Variants in COL27A1 observed in about 807,000 individuals in gnomAD.
COL27A1 encodes collagen type XXVII alpha 1 chain, also known as collagen alpha-1(XXVII) chain.
A neutral mutation model predicts 251.3 loss-of-function variants in COL27A1; 106 were observed. The ratio of observed to expected loss-of-function variants is 0.42; its 90% CI spans 0.36 to 0.50. The LOEUF is 0.50. Among genes scored for constraint, COL27A1 ranks in the 20% least tolerant of loss-of-function variants. The pLI is 0.00. For missense variants in COL27A1, 2,325 were observed against 2,522.8 expected, an observed-to-expected ratio of 0.92 and a Z score of 1.68; for synonymous variants, 1,000 against 986.3, an observed-to-expected ratio of 1.01 and a Z score of -0.26.
chr9:114,216,071 G>C (rs1830691261), intron 12 of COL27A1, among the ~76,000 whole-genome samples: 1 of 152,242 alleles, frequency 6.6e-6, no homozygotes, highest in African/African-American at 2.4e-5. Flanking sequence ...TCCTGCTTTG[G>C]ATGTGGTGGC....
At chr9:114,250,913 T>G (rs1220783588) in intron 25 of COL27A1, among the ~76,000 whole-genome samples, 1 of 152,124 alleles carries the variant, frequency 6.6e-6, no homozygotes, top group Non-Finnish European at 1.5e-5. Context: ...AGCAGATGCA[T>G]GTGACCTGGG....
Position 114,232,564 on chromosome 9 carries a change from G to C in COL27A1, c.2565+698G>C, listed in dbSNP as rs565250252. On this transcript the variant is annotated intron_variant, in intron 16 of 60. Coordinates refer to ENST00000356083, the MANE Select transcript of COL27A1 (RefSeq NM_032888.4). ...ACCAGGACCCCCGAAGGGGGTGCAG[G>C]AGGGGTTCAGAGCAACATTCCAAGT... Among the ~76,000 whole-genome samples the C allele has an allele frequency of 5.3e-5, 8 of 152,362 alleles. No individual in the cohort carries two copies. The South Asian group carries it at 1.4e-3, about 28-fold the overall frequency.
rs1440582784 is a variant in COL27A1, at chr9:114,205,100, AG to A, written c.2126del. ...TGATGCAGCTTCTTCCCCCTCCAAC[AG>A]GGACACAAGGGCTATCCTGGACCGG... On this transcript the variant is annotated splice_acceptor_variant, in intron 7 of 60. Coordinates refer to ENST00000356083, the MANE Select transcript of COL27A1 (RefSeq NM_032888.4). LOFTEE classifies it high-confidence loss of function. 6.2e-7 allele frequency: 1 copy of A among 1,613,508 alleles called. No homozygotes were observed. Among genetic ancestry groups the A allele is most frequent in the Non-Finnish European group, 8.5e-7 (1 of 1,179,936 alleles).
intron 11 of COL27A1, 84 bp from the exon 12 acceptor site, chr9:114,210,898 G>A: frequency 2.1e-6 from 3 of 1,396,018 alleles, no homozygotes; most frequent in Non-Finnish European, 3.0e-6. Context: ...TTCCTGCCGT[G>A]GGTGGCTCTG....
intron 10 of COL27A1, among the ~76,000 whole-genome samples, chr9:114,206,885 G>A (rs1484063233): frequency 6.6e-6 from 1 of 152,238 alleles, no homozygotes; most frequent in African/African-American, 2.4e-5. Flanking sequence ...TGACAGCTCA[G>A]GAGGGGGCCA....
At chr9:114,194,166 G>A (rs1000651980) in intron 5 of COL27A1, among the ~76,000 whole-genome samples, 4 of 152,300 alleles carry the variant, frequency 2.6e-5, no homozygotes, top group African/African-American at 9.6e-5. Flanking sequence ...GATTACAGAA[G>A]ACTTGGGATA....
At chr9:114,251,974 C>T (rs571224249) in intron 25 of COL27A1, among the ~76,000 whole-genome samples, 10 of 152,348 alleles carry the variant, frequency 6.6e-5, no homozygotes, top group Non-Finnish European at 1.5e-4. Flanking sequence ...GTGTCAGACA[C>T]ATAGTAGGTG....
In COL27A1 at chr9:114,306,665, A is replaced by G; in HGVS notation, c.5084A>G (p.Asp1695Gly). 6.2e-7 allele frequency: 1 copy of G among 1,613,976 alleles called. No individual in the cohort carries two copies. The highest frequency in any genetic ancestry group is 8.5e-7 in the Non-Finnish European group (1 of 1,179,994). Residue 1695 changes from aspartate (D) to glycine (G), a missense_variant, in exon 58 of 61, where the codon GAC becomes GGC. Coordinates refer to ENST00000356083, the MANE Select transcript of COL27A1 (RefSeq NM_032888.4). ...GCCCGGGTCTGCAGGGACCTCATGG[A>G]CTGTGAGCAGAAGATGGTGGATGGT... ...NPARVCRDLM[D>G]CEQKMVDGTY...
At chr9:114,266,127 G>A (rs1834725057) in intron 32 of COL27A1, among the ~76,000 whole-genome samples, 1 of 152,158 alleles carries the variant, frequency 6.6e-6, no homozygotes, top group Admixed American at 6.5e-5. Flanking sequence ...CCTGCACAGG[G>A]CAGGGGAGGA....
chr9:114,298,958 G>T (rs1033241453), intron 49 of COL27A1, among the ~76,000 whole-genome samples: 1 of 151,972 alleles, frequency 6.6e-6, no homozygotes, highest in African/African-American at 2.4e-5. Flanking sequence ...AATTTAAAAC[G>T]GACAAAGTAT....
rs1019673412 is a variant in COL27A1, at chr9:114,309,492, C to T, written c.5436+14C>T. On this transcript the variant is annotated intron_variant, in intron 60 of 60. Transcript: ENST00000356083. Reference sequence around the variant, plus strand: ...GATGGCTGCAAGGTAACTCTCAGAGCCCCTCCTAGGCCCTTCATGTGGGGA... The same window carrying T: ...GATGGCTGCAAGGTAACTCTCAGAGTCCCTCCTAGGCCCTTCATGTGGGGA... The T allele has an allele frequency of 1.2e-6, 2 of 1,606,516 alleles. No homozygotes were observed. The highest frequency in any genetic ancestry group is 8.5e-7 in the Non-Finnish European group (1 of 1,174,100).
intron 25 of COL27A1, among the ~76,000 whole-genome samples, chr9:114,251,397 G>T (rs556704587): frequency 6.6e-6 from 1 of 151,838 alleles, no homozygotes; most frequent in Non-Finnish European, 1.5e-5. Flanking sequence ...CCAGACCCTC[G>T]GGCCTCTGCC....
intron 14 of COL27A1, among the ~76,000 whole-genome samples, chr9:114,222,997 A>G (rs748038017): frequency 2.6e-5 from 4 of 152,202 alleles, no homozygotes. Context: ...CCCAGGACTG[A>G]GAGAGGCCTA....
At chr9:114,246,869 G>GAAA (rs747281146) in intron 24 of COL27A1, among the ~76,000 whole-genome samples, 15 of 138,002 alleles carry the variant, frequency 1.1e-4, no homozygotes, top group African/African-American at 4.0e-4. Context: ...TTCCTGATTG[G>GAAA]AAAAAAAAAA....
intron 35 of COL27A1, 25 bp downstream of exon 35, chr9:114,269,319 C>A: frequency 6.3e-7 from 1 of 1,592,738 alleles, no homozygotes; most frequent in South Asian, 1.1e-5. Flanking sequence ...TTTATTCTTC[C>A]TGAAAGCCCC....
At chr9:114,183,672 C>T (rs998703809) in intron 5 of COL27A1, among the ~76,000 whole-genome samples, 2 of 152,006 alleles carry the variant, frequency 1.3e-5, no homozygotes, top group Non-Finnish European at 2.9e-5. Context: ...AACTGGGTCC[C>T]AGGAGGAGGA....
intron 14 of COL27A1, among the ~76,000 whole-genome samples, chr9:114,229,345 C>G (rs1052738571): frequency 6.6e-6 from 1 of 152,240 alleles, no homozygotes; most frequent in African/African-American, 2.4e-5. Context: ...TGCCGTCTGT[C>G]TGTCTGTCTC....
chr9:114,267,987 A>G (rs1834863337), intron 34 of COL27A1, among the ~76,000 whole-genome samples: 1 of 152,160 alleles, frequency 6.6e-6, no homozygotes, highest in Admixed American at 6.5e-5. Flanking sequence ...GCCCGTGGAC[A>G]TTGTTGAGGC....
chr9:114,198,765 A>G (rs925737812), intron 7 of COL27A1, among the ~76,000 whole-genome samples: 7 of 152,168 alleles, frequency 4.6e-5, no homozygotes, highest in Non-Finnish European at 7.3e-5. Flanking sequence ...TTGCTGGGCC[A>G]GTTCCCAAGG....
Sources: gnomAD v4.1 joint callset for allele counts (sites outside exome capture counted in the v4.1 genomes callset) on GRCh38, gnomAD v4.1.1 for gene constraint, MANE v1.5 for transcripts, NCBI Gene and HGNC (gene_info 2026-07-23, HGNC 2026-07-21) for gene names.